Variants in OR1M1 observed in about 807,000 individuals in gnomAD.
The protein encoded by OR1M1 is olfactory receptor 1M1.
For missense variants in OR1M1, 397 were observed against 401.8 expected (o/e 0.99, Z 0.10); for synonymous variants, 157 against 165.5 (o/e 0.95, Z 0.39).
chr19:9,092,720 T>G (rs1410586093), intron 1 of OR1M1, among the ~76,000 whole-genome samples: 6 of 151,750 alleles, frequency 4.0e-5, no homozygotes, highest in Non-Finnish European at 7.4e-5. Flanking sequence ...GCCAATATGG[T>G]GAAACCCCAT....
At chr19:9,092,697 C>T (rs992542582) in intron 1 of OR1M1, among the ~76,000 whole-genome samples, 1 of 151,840 alleles carries the variant, frequency 6.6e-6, no homozygotes, top group African/African-American at 2.4e-5. Flanking sequence ...GTCAGGAGTT[C>T]GAGACCAGCC....
chr19:9,091,030 G>A (rs367668912), intron 1 of OR1M1, among the ~76,000 whole-genome samples: 1 of 151,952 alleles, frequency 6.6e-6, no homozygotes, highest in African/African-American at 2.4e-5. Flanking sequence ...AGCCAGGCGT[G>A]GTGGTGGGCG....
At position 9,095,310 on chromosome 19, in the gene OR1M1, G is replaced by A. The variant is rs1027951787; in HGVS notation, c.*1124G>A. On this transcript the variant is annotated 3_prime_UTR_variant, in exon 2 of 2. Transcript: ENST00000641627. Reference sequence around the variant, plus strand: ...AATAACACAGTGACTGTGAGGGGAGGAGTCTTAGGAAGATGTCAACACGTG... The same window carrying A: ...AATAACACAGTGACTGTGAGGGGAGAAGTCTTAGGAAGATGTCAACACGTG... 4.6e-5 allele frequency: 7 copies of A among 152,352 alleles called. No individual in the cohort carries two copies. Among genetic ancestry groups the A allele is most frequent in the Admixed American group, 4.6e-4 (7 of 15,292 alleles). The allele number at this position is 152,352 out of a possible 1,614,324, so 9.4% of individuals were successfully genotyped here.
intron 1 of OR1M1, among the ~76,000 whole-genome samples, chr19:9,092,698 G>A (rs1247445096): frequency 5.9e-5 from 9 of 151,772 alleles, no homozygotes; most frequent in African/African-American, 1.2e-4. Context: ...TCAGGAGTTC[G>A]AGACCAGCCT....
rs142414523 is a variant in OR1M1, at chr19:9,093,104, A to G, written c.-13-128A>G. ...TACACACACACACACACACACACAC[A>G]CACACATATATATATATACACATCT... On this transcript the variant is annotated intron_variant, in intron 1 of 1. Coordinates refer to ENST00000641627, the MANE Select transcript of OR1M1 (RefSeq NM_001004456.2). The G allele has an allele frequency of 4.4e-3, 2,540 of 580,904 alleles. 11 individuals carry two copies. Among genetic ancestry groups the G allele is most frequent in the Middle Eastern group, 7.2e-3 (21 of 2,916 alleles). The allele number at this position is 580,904 out of a possible 1,614,324, so 36.0% of individuals were successfully genotyped here. A position where few individuals can be genotyped will look rare whatever the true frequency, so the allele number is the denominator to read the frequency against.
intron 1 of OR1M1, among the ~76,000 whole-genome samples, chr19:9,087,722 T>C (rs2050272038): frequency 6.6e-6 from 1 of 151,996 alleles, no homozygotes; most frequent in South Asian, 2.1e-4. Flanking sequence ...AGTACTGGAA[T>C]TCACTGTGCT....
chr19:9,087,309 GCT>G (rs2050269931), intron 1 of OR1M1, among the ~76,000 whole-genome samples, 152 bp downstream of exon 1: 1 of 152,116 alleles, frequency 6.6e-6, no homozygotes, highest in Non-Finnish European at 1.5e-5. Flanking sequence ...ACAGAACCTT[GCT>G]CTGTTATTCA....
chr19:9,090,971 C>G (rs970352845), intron 1 of OR1M1, among the ~76,000 whole-genome samples: 1 of 151,866 alleles, frequency 6.6e-6, no homozygotes, highest in Admixed American at 6.6e-5. Flanking sequence ...TCAAGACCAT[C>G]CTGGCTAACA....
rs778457151 is a variant in OR1M1, at chr19:9,093,603, A to G, written c.359A>G (p.Tyr120Cys). 2 of 1,614,164 alleles carry G rather than the reference A, an allele frequency of 1.2e-6. No individual in the cohort carries two copies. The highest frequency in any genetic ancestry group is 1.7e-6 in the Non-Finnish European group (2 of 1,180,034). The change falls in exon 2 of 2, where the codon TAT becomes TGT. Residue 120 changes from tyrosine (Y) to cysteine (C), a missense_variant. Physicochemically the swap from Tyr to Cys is radical, Grantham distance 194. Transcript: ENST00000641627. ...VDSVIIAMMA[Y>C]DRFVAICHPL... ...AGCGTCATAATCGCCATGATGGCTT[A>G]TGACCGGTTCGTGGCCATCTGCCAC...
intron 1 of OR1M1, among the ~76,000 whole-genome samples, chr19:9,092,073 T>C (rs1282389013): frequency 5.6e-5 from 1 of 17,982 alleles, no homozygotes; most frequent in Non-Finnish European, 1.0e-4. Context: ...CATGCCTGGC[T>C]TTTTTTTTTT....
chr19:9,092,445 G>C (rs1304785109), intron 1 of OR1M1, among the ~76,000 whole-genome samples: 2 of 151,854 alleles, frequency 1.3e-5, no homozygotes, highest in Non-Finnish European at 2.9e-5. Context: ...CACAAGAAAA[G>C]ATAAATAAGC....
At chr19:9,090,289 C>T (rs2050285471) in intron 1 of OR1M1, among the ~76,000 whole-genome samples, 1 of 152,122 alleles carries the variant, frequency 6.6e-6, no homozygotes, top group Admixed American at 6.6e-5. Flanking sequence ...CAGATCCTGT[C>T]ACTATATATT....
At position 9,088,583 on chromosome 19, in the gene OR1M1, G is replaced by A. The variant is rs2050276573; in HGVS notation, c.-14+1426G>A. On this transcript the variant is annotated intron_variant, in intron 1 of 1. Transcript: ENST00000641627. ...ACAGAGCATTCACTGGCTTCCTTGA[G>A]ATGGAAAAATACTCTGACTCGGCCA... Among the ~76,000 whole-genome samples the A allele has an allele frequency of 1.3e-5, 2 of 152,008 alleles. 1 individual carries two copies. Among genetic ancestry groups the A allele is most frequent in the South Asian group, 4.1e-4 (2 of 4,824 alleles).
rs1416053268 is a variant in OR1M1 at position 9,093,035 on chromosome 19, C to CTA, written c.-13-196_-13-195insAT. On this transcript the variant is annotated intron_variant, in intron 1 of 1. Coordinates refer to ENST00000641627, the MANE Select transcript of OR1M1 (RefSeq NM_001004456.2). Reference sequence around the variant, plus strand: ...TTACATATATTCTCTCTCTCTCTCTCTCTATATATATATATATACACACAC... The same window carrying CTA: ...TTACATATATTCTCTCTCTCTCTCTCTATCTATATATATATATATACACACAC... 4.9e-3 allele frequency: 1,440 copies of CTA among 294,066 alleles called. 6 individuals are homozygous for CTA. The highest frequency in any genetic ancestry group is 9.9e-3 in the South Asian group (66 of 6,672). 18.2% of individuals were successfully genotyped at this position (294,066 alleles called of 1,614,324 possible).
At chr19:9,092,489 G>A (rs922971068) in intron 1 of OR1M1, among the ~76,000 whole-genome samples, 7 of 152,014 alleles carry the variant, frequency 4.6e-5, no homozygotes, top group Admixed American at 2.0e-4. Flanking sequence ...TGTAGACCCC[G>A]CTACTAGAGA....
At chr19:9,093,175 A>G (rs2050303812) in intron 1 of OR1M1, 57 bp from the exon 2 acceptor site, 22 of 1,084,040 alleles carry the variant, frequency 2.0e-5, no homozygotes, top group Non-Finnish European at 2.8e-5. Flanking sequence ...GATCGCATCT[A>G]ACTTTCCAAA....
Position 9,093,762 on chromosome 19 carries a change from A to C in OR1M1, c.518A>C (p.Glu173Ala). ...MARLVFCGSHEVPHYFCDLTP... is the reference protein window; with the variant it reads ...MARLVFCGSHAVPHYFCDLTP... ...CGTCTCGTTTTCTGCGGCAGCCATG[A>C]GGTGCCTCACTACTTCTGCGACCTC... The change falls in exon 2 of 2, where the codon GAG becomes GCG. Residue 173 changes from glutamate to alanine, a missense_variant. By Grantham distance (107) the Glu-to-Ala change is moderately radical. Coordinates refer to ENST00000641627, the MANE Select transcript of OR1M1 (RefSeq NM_001004456.2). The C allele has an allele frequency of 6.2e-7, 1 of 1,613,910 alleles. No individual in the cohort carries two copies. The highest frequency in any genetic ancestry group is 8.5e-7 in the Non-Finnish European group (1 of 1,180,030).
At chr19:9,091,665 A>G (rs77772990) in intron 1 of OR1M1, among the ~76,000 whole-genome samples, 1 of 139,886 alleles carries the variant, frequency 7.1e-6, no homozygotes, top group Non-Finnish European at 1.6e-5. Context: ...TCTCAAAAGG[A>G]AAAAAAAAAA....
intron 1 of OR1M1, among the ~76,000 whole-genome samples, chr19:9,091,380 AT>A (rs1448333467): frequency 6.6e-6 from 1 of 151,734 alleles, no homozygotes; most frequent in Non-Finnish European, 1.5e-5. Context: ...TTTAATTCCA[AT>A]TAATCAAGAA....
Sources: allele counts gnomAD v4.1 joint callset (sites outside exome capture counted in the v4.1 genomes callset), GRCh38; gene constraint gnomAD v4.1.1; transcripts MANE v1.5; gene names NCBI Gene and HGNC (gene_info 2026-07-23, HGNC 2026-07-21).